COL22A1: variants seen among roughly 807,000 people sequenced by gnomAD.
The protein encoded by COL22A1 is collagen type XXII alpha 1 chain.
Under a neutral mutation model 248.9 loss-of-function variants are expected in COL22A1, and 221 were observed. The observed-to-expected ratio is 0.89, with a 90% CI of 0.80 to 0.99. COL22A1 has a LOEUF of 0.99. Among genes scored for constraint, COL22A1 ranks in the 50% least tolerant of loss-of-function variants. The probability of loss-of-function intolerance (pLI) is 0.00; values close to 1 mark genes in which losing one functional copy is unlikely to be tolerated. For synonymous variants in COL22A1, 891 were observed against 793.4 expected (o/e 1.12, Z -2.07); for missense variants, 2,240 against 2,179.0 (o/e 1.03, Z -0.56).
chr8:138,817,299 C>T (rs766139804), intron 7 of COL22A1, among the ~76,000 whole-genome samples: 6 of 152,130 alleles, frequency 3.9e-5, no homozygotes, highest in Non-Finnish European at 7.3e-5. Context: ...AACTCTGGAG[C>T]CCGTCAAGAA....
At chr8:138,799,177 T>G (rs2131615075) in intron 11 of COL22A1, among the ~76,000 whole-genome samples, 1 of 152,306 alleles carries the variant, frequency 6.6e-6, no homozygotes, top group African/African-American at 2.4e-5. Context: ...AATTTCTAAC[T>G]CTTTATTGAT....
chr8:138,616,848 T>C, intron 54 of COL22A1, 66 bp downstream of exon 54: 1 of 1,581,756 alleles, frequency 6.3e-7, no homozygotes, highest in Admixed American at 1.7e-5. Context: ...GCTGCAAGTA[T>C]CTTCTGTCTG....
chr8:138,612,754 C>A lies in COL22A1; in HGVS notation c.3978+1113G>T, dbSNP rs557848673. On this transcript the variant is annotated intron_variant, in intron 56 of 64. Transcript: ENST00000303045. Reference sequence around the variant, plus strand: ...CCAGCCTGGCCAACGTGGCAAAACCCCATCTCTACTAAAAATAAAAAAATA... The same window carrying A: ...CCAGCCTGGCCAACGTGGCAAAACCACATCTCTACTAAAAATAAAAAAATA... 9.9e-5 allele frequency among the ~76,000 whole-genome samples: 15 copies of A among 151,630 alleles called. No homozygotes were observed. In the South Asian group the frequency reaches 3.1e-3, roughly 32 times the overall value.
chr8:138,635,995 T>C (rs778271746), intron 48 of COL22A1, among the ~76,000 whole-genome samples: 2 of 152,030 alleles, frequency 1.3e-5, no homozygotes, highest in African/African-American at 4.8e-5. Context: ...GTGCAGTGCC[T>C]GGCATGGAAT....
intron 1 of COL22A1, among the ~76,000 whole-genome samples, chr8:138,886,205 T>C (rs1339520916): frequency 6.6e-6 from 1 of 152,190 alleles, no homozygotes; most frequent in African/African-American, 2.4e-5. Context: ...TAAACATGTA[T>C]TTGTTCCCAT....
rs144991819 is a variant in COL22A1 at position 138,789,763 on chromosome 8, A to G, written c.1596+7056T>C. On this transcript the variant is annotated intron_variant, in intron 12 of 64. Coordinates refer to ENST00000303045, the MANE Select transcript of COL22A1 (RefSeq NM_152888.3). ...GGATGCAGGCTTGGCCCCACTTACTAACCAGCTCTGTCACCTTGGCCATGG... is the reference window on the plus strand; with the variant it reads ...GGATGCAGGCTTGGCCCCACTTACTGACCAGCTCTGTCACCTTGGCCATGG... 4.9e-3 allele frequency among the ~76,000 whole-genome samples: 747 copies of G among 152,306 alleles called. 2 individuals carry two copies. Among genetic ancestry groups the G allele is most frequent in the Middle Eastern group, 0.017 (5 of 294 alleles).
At chr8:138,737,220 G>A (rs542898033) in intron 23 of COL22A1, among the ~76,000 whole-genome samples, 11 of 152,200 alleles carry the variant, frequency 7.2e-5, no homozygotes, top group African/African-American at 2.2e-4. Context: ...CCACCACCTC[G>A]TCCTGGGGTC....
intron 30 of COL22A1, among the ~76,000 whole-genome samples, 164 bp downstream of exon 30, chr8:138,715,518 G>C (rs892707353): frequency 3.4e-5 from 5 of 145,206 alleles, no homozygotes; most frequent in African/African-American, 1.0e-4. Flanking sequence ...GCAGTGAGAC[G>C]AGATCATGCC....
chr8:138,711,837 C>T (rs770001606), intron 30 of COL22A1, among the ~76,000 whole-genome samples: 34 of 152,192 alleles, frequency 2.2e-4, no homozygotes, highest in Non-Finnish European at 4.0e-4. Flanking sequence ...GGGTGCCATT[C>T]CTCCTGAGGC....
chr8:138,811,829 G>A lies in COL22A1; in HGVS notation c.1419C>T (p.Thr473=). 6.2e-7 allele frequency: 1 copy of A among 1,609,456 alleles called. No homozygotes were observed. The highest frequency in any genetic ancestry group is 8.5e-7 in the Non-Finnish European group (1 of 1,178,238). Reference sequence around the variant, plus strand: ...CTCCAGCTGGGCAGGAGCAGTTGATGGTCTTCAAAAACCCAATCTGTTCAC... The same window carrying A: ...CTCCAGCTGGGCAGGAGCAGTTGATAGTCTTCAAAAACCCAATCTGTTCAC... ...PGSEQIGFLK[T]INCSCPAGEK... is the part of the protein sequence containing the mutation. Residue 473 remains threonine, a synonymous_variant, in exon 9 of 65, where the codon ACC becomes ACT. Transcript: ENST00000303045.
chr8:138,821,198 TCTCC>T lies in COL22A1; in HGVS notation c.1179_1182del (p.Glu394ThrfsTer9), dbSNP rs1427671680. 1 of 1,614,028 alleles carries T rather than the reference TCTCC, an allele frequency of 6.2e-7. No homozygotes were observed. Among genetic ancestry groups the T allele is most frequent in the Non-Finnish European group, 8.5e-7 (1 of 1,180,032 alleles). On this transcript the variant is annotated frameshift_variant, in exon 7 of 65. Transcript: ENST00000303045. LOFTEE classifies it high-confidence loss of function. Reference sequence around the variant, plus strand: ...ACAGTCTTGCCCTGGATGTCAATGTTCTCCCGTTCCTCGATGGGTAGTGTCTGCA... The same window carrying T: ...ACAGTCTTGCCCTGGATGTCAATGTTCGTTCCTCGATGGGTAGTGTCTGCA...
chr8:138,906,668 T>A (rs1375774822), intron 1 of COL22A1, among the ~76,000 whole-genome samples: 1 of 151,994 alleles, frequency 6.6e-6, no homozygotes, highest in Non-Finnish European at 1.5e-5. Flanking sequence ...CTTTTTTTTT[T>A]TTGAGACAGA....
At chr8:138,763,366 GAC>G (rs1833660590) in intron 16 of COL22A1, among the ~76,000 whole-genome samples, 1 of 149,570 alleles carries the variant, frequency 6.7e-6, no homozygotes, top group Admixed American at 6.8e-5. Context: ...CAGCCCGGGC[GAC>G]AGAGTGAGAC....
At chr8:138,622,546 T>C (rs1819891323) in intron 52 of COL22A1, among the ~76,000 whole-genome samples, 1 of 152,270 alleles carries the variant, frequency 6.6e-6, no homozygotes, top group South Asian at 2.1e-4. Context: ...TAAAATAAAA[T>C]ACCATGGAAA....
At chr8:138,697,519 T>G (rs1222387838) in intron 32 of COL22A1, among the ~76,000 whole-genome samples, 6 of 152,158 alleles carry the variant, frequency 3.9e-5, no homozygotes, top group Non-Finnish European at 8.8e-5. Flanking sequence ...CCCAGGGATA[T>G]GCACACCATC....
intron 23 of COL22A1, among the ~76,000 whole-genome samples, 154 bp from the exon 24 acceptor site, chr8:138,725,594 C>A (rs887484937): frequency 2.6e-5 from 4 of 152,094 alleles, no homozygotes; most frequent in Non-Finnish European, 5.9e-5. Context: ...CAAAAATAAG[C>A]AAAAGCAAAA....
intron 44 of COL22A1, 151 bp from the exon 45 acceptor site, chr8:138,656,095 A>T: frequency 3.0e-6 from 2 of 657,538 alleles, no homozygotes; most frequent in Non-Finnish European, 5.3e-6. Flanking sequence ...TGGATGTCCC[A>T]AGCCTGGGAG....
At chr8:138,715,617 C>T in intron 30 of COL22A1, 65 bp downstream of exon 30, 1 of 836,660 alleles carries the variant, frequency 1.2e-6, no homozygotes, top group East Asian at 3.0e-5. Context: ...TGCAGAAAAT[C>T]TCTTCCTTTA....
intron 49 of COL22A1, among the ~76,000 whole-genome samples, chr8:138,634,389 T>G (rs1820972573): frequency 6.6e-6 from 1 of 152,110 alleles, no homozygotes; most frequent in South Asian, 2.1e-4. Context: ...GGTCCTGGGC[T>G]TGGCAGGAAC....
Sources: allele counts gnomAD v4.1 joint callset (sites outside exome capture counted in the v4.1 genomes callset), GRCh38; gene constraint gnomAD v4.1.1; transcripts MANE v1.5; gene names NCBI Gene and HGNC (gene_info 2026-07-23, HGNC 2026-07-21).